COLEC10: variants seen among roughly 807,000 people sequenced by gnomAD.
COLEC10 encodes the protein collectin subfamily member 10.
In COLEC10, 22 loss-of-function variants were observed where a neutral mutation model predicts 28.4. The ratio of observed to expected loss-of-function variants is 0.78; its 90% CI spans 0.55 to 1.11. The LOEUF (loss-of-function observed/expected upper bound fraction) is 1.11. Ranked by LOEUF, COLEC10 falls within the 50% of genes least tolerant of loss-of-function variation. The probability of loss-of-function intolerance (pLI) is 0.00; values close to 1 mark genes in which losing one functional copy is unlikely to be tolerated. For missense variants in COLEC10, 361 were observed against 344.1 expected, an observed-to-expected ratio of 1.05 and a Z score of -0.39; for synonymous variants, 125 against 116.1, an observed-to-expected ratio of 1.08 and a Z score of -0.49.
intron 2 of COLEC10, among the ~76,000 whole-genome samples, chr8:119,017,210 A>G (rs1395950146): frequency 6.6e-6 from 1 of 152,150 alleles, no homozygotes; most frequent in African/African-American, 2.4e-5. Flanking sequence ...GGATTAGTAG[A>G]TTCGATATCT....
chr8:118,993,436 T>G (rs1045145709), upstream of COLEC10, among the ~76,000 whole-genome samples: 3 of 152,066 alleles, frequency 2.0e-5, no homozygotes, highest in African/African-American at 7.2e-5. Flanking sequence ...CTCACTGCAA[T>G]GTCCACCTCC....
At chr8:119,027,694 G>A (rs1814217924) in intron 2 of COLEC10, among the ~76,000 whole-genome samples, 1 of 152,132 alleles carries the variant, frequency 6.6e-6, no homozygotes, top group Non-Finnish European at 1.5e-5. Context: ...TGTTTTGTGA[G>A]TTTAACTTCT....
chr8:119,012,465 G>A lies in COLEC10; in HGVS notation n.235+2912G>A, dbSNP rs190851386. Among the ~76,000 whole-genome samples, 130 of 150,386 alleles carry A rather than the reference G, an allele frequency of 8.6e-4. 10 individuals carry two copies. Among genetic ancestry groups the A allele is most frequent in the African/African-American group, 3.1e-3 (126 of 40,234 alleles). ...GGTCTTGGTCTGGTTTTAGTGTTAG[G>A]GTAATGCTAGCCTTATATAATGAGT... On this transcript the variant is annotated intron_variant and non_coding_transcript_variant, in intron 2 of 6. Coordinates refer to the COLEC10 transcript ENST00000521788.
Position 119,005,658 on chromosome 8 carries a change from A to T in COLEC10, n.123-3783A>T, listed in dbSNP as rs201775191. Among the ~76,000 whole-genome samples, 153 of 152,264 alleles carry T rather than the reference A, an allele frequency of 1.0e-3. 2 individuals are homozygous for T. Among genetic ancestry groups the T allele is most frequent in the East Asian group, 2.9e-3 (15 of 5,172 alleles). On this transcript the variant is annotated intron_variant and non_coding_transcript_variant, in intron 1 of 6. Coordinates refer to the COLEC10 transcript ENST00000521788. ...CCCAATTTTCAAAGAAATGTGAAAA[A>T]CTAGTTTCTAAAGAGTGTTAATATA...
intron 2 of COLEC10, among the ~76,000 whole-genome samples, chr8:119,022,941 C>A (rs957410812): frequency 6.6e-5 from 10 of 152,038 alleles, no homozygotes; most frequent in African/African-American, 2.2e-4. Context: ...AGTCTGAGCT[C>A]CTTGATCTTC....
intron 1 of COLEC10, among the ~76,000 whole-genome samples, chr8:119,007,346 A>G (rs1309604485): frequency 2.0e-5 from 3 of 152,192 alleles, no homozygotes; most frequent in East Asian, 1.9e-4. Context: ...ATTTCCATCA[A>G]TTTTACTATA....
At position 119,107,198 on chromosome 8, in the gene COLEC10, T is replaced by C. The variant is rs537822213; in HGVS notation, c.*1007T>C. On this transcript the variant is annotated 3_prime_UTR_variant, in exon 6 of 6. Coordinates refer to ENST00000332843, the MANE Select transcript of COLEC10 (RefSeq NM_006438.5). ...CTCATCCTTGCCTCTAACATATCAC[T>C]AATGGTGACATTTCATGGGAGGCCT... is the stretch of plus-strand genomic sequence containing the variant. Among the ~76,000 whole-genome samples, 1 of 152,290 alleles carries C rather than the reference T, an allele frequency of 6.6e-6. No homozygotes were observed. The highest frequency in any genetic ancestry group is 2.4e-5 in the African/African-American group (1 of 41,566).
At chr8:118,969,233 C>T in the COLEC10 span, among the ~76,000 whole-genome samples, 4 of 151,956 alleles carry the variant, frequency 2.6e-5, no homozygotes, top group Non-Finnish European at 5.9e-5. Flanking sequence ...CCAGAAGGAA[C>T]CAGCACTGAC....
the COLEC10 span, among the ~76,000 whole-genome samples, chr8:118,971,179 CA>C: frequency 1.1e-4 from 17 of 151,958 alleles, no homozygotes; most frequent in African/African-American, 3.9e-4. Flanking sequence ...GACAAGCAAC[CA>C]AAAGGAGAAG....
At chr8:119,010,248 A>G (rs985701548) in intron 2 of COLEC10, among the ~76,000 whole-genome samples, 24 of 150,760 alleles carry the variant, frequency 1.6e-4, no homozygotes, top group Non-Finnish European at 7.4e-5. Flanking sequence ...CGGAGTGTCA[A>G]ATAGTTGGGA....
chr8:119,023,570 C>A (rs936979147), intron 2 of COLEC10, among the ~76,000 whole-genome samples: 2 of 152,116 alleles, frequency 1.3e-5, no homozygotes, highest in African/African-American at 4.8e-5. Flanking sequence ...AGTAACTATT[C>A]ATATTAGTTC....
At chr8:119,081,155 T>C (rs1815359489) in intron 1 of COLEC10, among the ~76,000 whole-genome samples, 1 of 152,144 alleles carries the variant, frequency 6.6e-6, no homozygotes, top group Non-Finnish European at 1.5e-5. Flanking sequence ...TTTTAATCAT[T>C]ATTGACTATT....
At chr8:119,077,993 C>T (rs574912351) in intron 1 of COLEC10, among the ~76,000 whole-genome samples, 1 of 152,086 alleles carries the variant, frequency 6.6e-6, no homozygotes, top group South Asian at 2.1e-4. Context: ...GGCAGAAGAG[C>T]AAAAGAAAGG....
the COLEC10 span, among the ~76,000 whole-genome samples, chr8:118,986,058 T>G: frequency 2.0e-5 from 3 of 152,108 alleles, no homozygotes; most frequent in Non-Finnish European, 2.9e-5. Context: ...GTCATGATGA[T>G]CCCATGGTCA....
chr8:119,052,226 A>G (rs1224816507), intron 2 of COLEC10, among the ~76,000 whole-genome samples: 3 of 152,136 alleles, frequency 2.0e-5, no homozygotes, highest in Non-Finnish European at 4.4e-5. Context: ...AACATTCTGT[A>G]ATTTTAGCTT....
At chr8:119,033,738 A>G (rs1419724052) in intron 2 of COLEC10, among the ~76,000 whole-genome samples, 1 of 152,212 alleles carries the variant, frequency 6.6e-6, no homozygotes, top group Non-Finnish European at 1.5e-5. Flanking sequence ...AAGTCAGGAA[A>G]TAACAGATGC....
chr8:119,000,963 C>T (rs900510128), intron 1 of COLEC10, among the ~76,000 whole-genome samples: 2 of 152,102 alleles, frequency 1.3e-5, no homozygotes, highest in African/African-American at 4.8e-5. Context: ...ATATGAAATT[C>T]ACTTAGGAGA....
At chr8:119,056,329 A>G (rs1814760732) in intron 2 of COLEC10, among the ~76,000 whole-genome samples, 1 of 152,090 alleles carries the variant, frequency 6.6e-6, no homozygotes, top group South Asian at 2.1e-4. Flanking sequence ...TGCTGCTAGC[A>G]TAGGACATAG....
intron 1 of COLEC10, among the ~76,000 whole-genome samples, chr8:119,075,028 G>A (rs1434056080): frequency 6.6e-6 from 1 of 152,158 alleles, no homozygotes; most frequent in Admixed American, 6.5e-5. Context: ...CAAACCATGG[G>A]AGAGCAAAAC....
Sources: allele counts gnomAD v4.1 joint callset (sites outside exome capture counted in the v4.1 genomes callset), GRCh38; gene constraint gnomAD v4.1.1; transcripts MANE v1.5; gene names NCBI Gene and HGNC (gene_info 2026-07-23, HGNC 2026-07-21).